SBNO1: variants seen among roughly 807,000 people sequenced by gnomAD.
SBNO1 encodes strawberry notch homolog 1.
A neutral mutation model predicts 173.6 loss-of-function variants in SBNO1; 23 were observed. The observed-to-expected ratio is 0.13, with a 90% CI of 0.10 to 0.19. SBNO1 has a LOEUF of 0.19. Among genes scored for constraint, SBNO1 ranks in the 10% least tolerant of loss-of-function variants. The pLI is 1.00. For missense variants in SBNO1, 1,238 were observed against 1,671.2 expected (o/e 0.74, Z 4.52); for synonymous variants, 632 against 571.5 (o/e 1.11, Z -1.51).
intron 1 of SBNO1, among the ~76,000 whole-genome samples, chr12:123,351,977 T>TG (rs769822997): frequency 5.3e-5 from 8 of 151,046 alleles, no homozygotes; most frequent in African/African-American, 9.7e-5. Context: ...TTTGCCGGGG[T>TG]GGGGGGCTAA....
Position 123,337,688 on chromosome 12 carries a change from T to G in SBNO1, c.652-1197A>C, listed in dbSNP as rs1327987542. On this transcript the variant is annotated intron_variant, in intron 5 of 31. Coordinates refer to ENST00000602398, the MANE Select transcript of SBNO1 (RefSeq NM_001167856.3). ...TCGGAAATTCGAGACAAAACAGGAC[T>G]GGCCAAATGAATAGATTTGAATCCC... 2.6e-5 allele frequency among the ~76,000 whole-genome samples: 4 copies of G among 152,192 alleles called. No individual in the cohort carries two copies. The East Asian group carries it at 5.8e-4, about 22-fold the overall frequency.
At position 123,328,030 on chromosome 12, in the gene SBNO1, A is replaced by G. The variant is rs1870782018; in HGVS notation, c.1297-3T>C. On this transcript the variant is annotated splice_region_variant and splice_polypyrimidine_tract_variant and intron_variant, in intron 10 of 31. Coordinates refer to ENST00000602398, the MANE Select transcript of SBNO1 (RefSeq NM_001167856.3). The stretch of plus-strand genomic sequence containing the variant: ...TTATGACACTCATCAAACACTATCT[A>G]AATGGAATGAGTTAAGGAATGTATC... 1 of 1,603,150 alleles carries G rather than the reference A, an allele frequency of 6.2e-7. No homozygotes were observed. Among genetic ancestry groups the G allele is most frequent in the Non-Finnish European group, 8.5e-7 (1 of 1,173,184 alleles).
intron 9 of SBNO1, among the ~76,000 whole-genome samples, chr12:123,330,213 CAT>C (rs1871057385): frequency 1.3e-5 from 2 of 152,196 alleles, no homozygotes; most frequent in African/African-American, 4.8e-5. Context: ...TCAATAGCCA[CAT>C]GTGATGAGTG....
intron 1 of SBNO1, among the ~76,000 whole-genome samples, chr12:123,354,372 G>T (rs1207162529): frequency 6.6e-6 from 1 of 152,112 alleles, no homozygotes; most frequent in African/African-American, 2.4e-5. Flanking sequence ...TCTTTTACAA[G>T]CTACTAATGA....
chr12:123,334,200 T>C lies in SBNO1; in HGVS notation c.762A>G (p.Leu254=), dbSNP rs137938431. 1,827 of 1,570,368 alleles carry C rather than the reference T, an allele frequency of 1.2e-3. 1 individual carries two copies. The highest frequency in any genetic ancestry group is 1.4e-3 in the Non-Finnish European group (1,605 of 1,164,080). The change falls in exon 7 of 32, where the codon CTA becomes CTG. Residue 254 remains leucine (L), a synonymous_variant. Coordinates refer to ENST00000602398, the MANE Select transcript of SBNO1 (RefSeq NM_001167856.3). ...TTTCCACTACAGCATCTGGATGACG[T>C]AGGCCAATTTTTACTAAACAAAAAT... is the stretch of plus-strand genomic sequence containing the variant. ...EYMPIKLKIG[L]RHPDAVVETS...
At chr12:123,316,703 C>CTTTT (rs545944754) in intron 21 of SBNO1, among the ~76,000 whole-genome samples, 16 of 123,886 alleles carry the variant, frequency 1.3e-4, no homozygotes, top group Non-Finnish European at 1.8e-4. Context: ...TTTTCTTCTT[C>CTTTT]TTTTTTTTTT....
chr12:123,308,413 G>C (rs1296095990), intron 28 of SBNO1, among the ~76,000 whole-genome samples: 1 of 152,138 alleles, frequency 6.6e-6, no homozygotes, highest in Non-Finnish European at 1.5e-5. Flanking sequence ...GCTCAAGCCT[G>C]TAATCCCAGC....
chr12:123,324,123 A>C (rs1015682577), intron 15 of SBNO1, among the ~76,000 whole-genome samples: 28 of 152,166 alleles, frequency 1.8e-4, no homozygotes, highest in Non-Finnish European at 3.7e-4. Context: ...ATACCATGTC[A>C]ACACATATGT....
chr12:123,309,614 A>G, intron 26 of SBNO1, 31 bp from the exon 27 acceptor site: 1 of 1,603,986 alleles, frequency 6.2e-7, no homozygotes, highest in Middle Eastern at 1.7e-4. Context: ...ATGTAAATGT[A>G]AAAAGAACAT....
rs1484416124 is a variant in SBNO1 at position 123,311,108 on chromosome 12, C to A, written c.3242G>T (p.Gly1081Val). The stretch of plus-strand genomic sequence containing the variant: ...ATCTTCTACATTTATCAGGCCAACG[C>A]CTATCAGTCCTTGTCGAACATCTGT... Reference protein sequence around the residue: ...FFKDVRQGLIGVGLINVEDRS... With the variant: ...FFKDVRQGLIVVGLINVEDRS... The change falls in exon 25 of 32, where the codon GGC (glycine) becomes GTC (valine). Residue 1081 changes from glycine to valine, a missense_variant. Coordinates refer to ENST00000602398, the MANE Select transcript of SBNO1 (RefSeq NM_001167856.3). 6.2e-7 allele frequency: 1 copy of A among 1,613,524 alleles called. No individual in the cohort carries two copies. Among genetic ancestry groups the A allele is most frequent in the East Asian group, 2.2e-5 (1 of 44,868 alleles).
chr12:123,349,773 G>C (rs949797572), intron 2 of SBNO1, among the ~76,000 whole-genome samples: 1 of 152,070 alleles, frequency 6.6e-6, no homozygotes, highest in African/African-American at 2.4e-5. Context: ...AAATTAGCCA[G>C]GCGTCGTGGC....
chr12:123,341,085 T>A lies in SBNO1; in HGVS notation c.554A>T (p.Asp185Val). Residue 185 changes from aspartate (D) to valine (V), a missense_variant, in exon 5 of 32, where the codon GAT becomes GTT. By Grantham distance (152) the Asp-to-Val change is radical (BLOSUM62 -3). This residue lies in a region of SBNO1 where 287 missense variants were observed against 274.1 expected (regional missense o/e 1.05). Transcript: ENST00000602398. The stretch of plus-strand genomic sequence containing the variant: ...TTTCTTTACTGTACCATTGCTTACA[T>A]CAGCTGAGGAGGAAAAAGTCAAATT... ...IAQPVATAATDVSNGTVKKES... is the reference protein window; with the variant it reads ...IAQPVATAATVVSNGTVKKES... The A allele has an allele frequency of 6.6e-7, 1 of 1,524,546 alleles. No homozygotes were observed. 94.4% of individuals were successfully genotyped at this position (1,524,546 alleles called of 1,614,324 possible).
chr12:123,331,183 C>CGT, intron 8 of SBNO1, 59 bp downstream of exon 8: 1 of 1,563,386 alleles, frequency 6.4e-7, no homozygotes, highest in Non-Finnish European at 8.8e-7. Flanking sequence ...AGGATGGTCT[C>CGT]GATCTCCTAA....
At chr12:123,361,695 C>A (rs1339408631) in intron 1 of SBNO1, among the ~76,000 whole-genome samples, 1 of 147,728 alleles carries the variant, frequency 6.8e-6, no homozygotes, top group African/African-American at 2.5e-5. Context: ...GATCACCCCA[C>A]TGCACTCCAG....
chr12:123,339,147 A>G (rs929143764), intron 5 of SBNO1, among the ~76,000 whole-genome samples: 1 of 152,114 alleles, frequency 6.6e-6, no homozygotes, highest in Non-Finnish European at 1.5e-5. Flanking sequence ...CGCCAGTAGC[A>G]CTATTGTTCT....
At chr12:123,298,195 CAT>C (rs755931625) in intron 30 of SBNO1, 24 bp from the exon 31 acceptor site, 12 of 1,602,066 alleles carry the variant, frequency 7.5e-6, no homozygotes, top group Middle Eastern at 1.7e-4. Context: ...GAAAGAAATA[CAT>C]ATGAGTGTCT....
chr12:123,329,640 T>A lies in SBNO1; in HGVS notation c.1135-745A>T, dbSNP rs183435440. On this transcript the variant is annotated intron_variant, in intron 9 of 31. Transcript: ENST00000602398. ...CCACTTACATCCTTTTAGTTCTGAA[T>A]TGTATACAGTCATTCAAGACACAGT... Among the ~76,000 whole-genome samples the A allele has an allele frequency of 4.6e-5, 7 of 152,222 alleles. No homozygotes were observed. In the South Asian group the frequency reaches 1.2e-3, roughly 27 times the overall value.
intron 30 of SBNO1, among the ~76,000 whole-genome samples, chr12:123,300,652 C>T (rs2048756899): frequency 6.7e-6 from 1 of 150,254 alleles, no homozygotes; most frequent in Non-Finnish European, 1.5e-5. Context: ...AGCGAGACTC[C>T]ATCTCAAAAA....
Position 123,291,089 on chromosome 12 carries a change from C to T in SBNO1, c.*4819G>A, listed in dbSNP as rs1163736049. ...AGTCACCTGTCAATAACACACTAGG[C>T]CTGCCTCCTGCCTGCTATAAATATC... is the stretch of plus-strand genomic sequence containing the variant. On this transcript the variant is annotated 3_prime_UTR_variant, in exon 32 of 32. Coordinates refer to ENST00000602398, the MANE Select transcript of SBNO1 (RefSeq NM_001167856.3). 1 of 152,146 alleles carries T rather than the reference C, an allele frequency of 6.6e-6. No individual in the cohort carries two copies. The highest frequency in any genetic ancestry group is 2.4e-5 in the African/African-American group (1 of 41,430). The allele number at this position is 152,146 out of a possible 1,614,324, so 9.4% of individuals were successfully genotyped here.
Sources: gnomAD v4.1 joint callset for allele counts (sites outside exome capture counted in the v4.1 genomes callset) on GRCh38, gnomAD v4.1.1 for gene constraint, gnomAD v4.1.1 regional missense constraint, MANE v1.5 for transcripts, NCBI Gene and HGNC (gene_info 2026-07-23, HGNC 2026-07-21) for gene names.